DOCK3: variants seen among roughly 807,000 people sequenced by gnomAD.
The protein encoded by DOCK3 is dedicator of cytokinesis protein 3.
DOCK3 carries 60 observed loss-of-function variants against 265.6 expected under a neutral mutation model. That is an observed-to-expected ratio of 0.23 (90% CI 0.18 to 0.28). The LOEUF (loss-of-function observed/expected upper bound fraction) is 0.28. Among genes scored for constraint, DOCK3 ranks in the 10% least tolerant of loss-of-function variants. The probability of loss-of-function intolerance (pLI) is 1.00; values close to 1 mark genes in which losing one functional copy is unlikely to be tolerated. For synonymous variants in DOCK3, 881 were observed against 938.0 expected, an observed-to-expected ratio of 0.94 and a Z score of 1.11; for missense variants, 1,981 against 2,594.3, an observed-to-expected ratio of 0.76 and a Z score of 5.14.
At chr3:51,112,678 C>T (rs561150819) in intron 9 of DOCK3, among the ~76,000 whole-genome samples, 59 of 152,174 alleles carry the variant, frequency 3.9e-4, no homozygotes, top group Non-Finnish European at 5.0e-4. Context: ...GTGGGAGGGG[C>T]GACTGTTGAG....
At chr3:51,282,374 G>A (rs1240053727) in intron 27 of DOCK3, among the ~76,000 whole-genome samples, 1 of 152,180 alleles carries the variant, frequency 6.6e-6, no homozygotes, top group Admixed American at 6.5e-5. Flanking sequence ...CAGGTGCAGT[G>A]GCTGTCACCT....
intron 1 of DOCK3, among the ~76,000 whole-genome samples, chr3:50,752,326 T>C (rs567519233): frequency 1.3e-5 from 2 of 152,110 alleles, no homozygotes; most frequent in South Asian, 4.1e-4. Context: ...CTGGCCAACA[T>C]GGTGAAACCC....
At chr3:50,771,338 T>G (rs1444409350) in intron 1 of DOCK3, among the ~76,000 whole-genome samples, 3 of 152,124 alleles carry the variant, frequency 2.0e-5, no homozygotes, top group Non-Finnish European at 2.9e-5. Flanking sequence ...AGCAGGCATA[T>G]GAAAAGGTGC....
intron 6 of DOCK3, among the ~76,000 whole-genome samples, chr3:51,071,512 C>CT (rs1439574166): frequency 6.6e-6 from 1 of 152,156 alleles, no homozygotes; most frequent in African/African-American, 2.4e-5. Flanking sequence ...CCCTATAACT[C>CT]TAAGCTAACA....
At chr3:51,112,562 A>G (rs2083565928) in intron 9 of DOCK3, among the ~76,000 whole-genome samples, 1 of 152,224 alleles carries the variant, frequency 6.6e-6, no homozygotes, top group African/African-American at 2.4e-5. Flanking sequence ...ACTTTGGTAC[A>G]TTAAGAGAGA....
At chr3:50,744,636 C>T (rs182599110) in intron 1 of DOCK3, among the ~76,000 whole-genome samples, 168 of 152,140 alleles carry the variant, frequency 1.1e-3, no homozygotes, top group African/African-American at 4.0e-3. Flanking sequence ...GGTTTTGGCA[C>T]GTCACCCAGG....
intron 5 of DOCK3, among the ~76,000 whole-genome samples, chr3:50,977,979 T>C (rs1293126349): frequency 6.6e-6 from 1 of 152,204 alleles, no homozygotes; most frequent in Non-Finnish European, 1.5e-5. Flanking sequence ...TCTCGAGCCT[T>C]GGTTTTCAGC....
rs1396736733 is a variant in DOCK3, at chr3:51,228,038, G to A, written c.1597G>A (p.Asp533Asn). 2 of 1,614,062 alleles carry A rather than the reference G, an allele frequency of 1.2e-6. No individual in the cohort carries two copies. Among genetic ancestry groups the A allele is most frequent in the South Asian group, 2.2e-5 (2 of 91,088 alleles). The change falls in exon 17 of 53, where the codon GAT becomes AAT. Residue 533 changes from aspartate (D) to asparagine (N), a missense_variant. Asp to Asn is a conservative substitution (Grantham distance 23, BLOSUM62 1). Transcript: ENST00000266037. ...CTTTGCATTCTCAACCCTGATGCGTGATGATGGCACCACCCTCTCAGATGA... is the reference window on the plus strand; with the variant it reads ...CTTTGCATTCTCAACCCTGATGCGTAATGATGGCACCACCCTCTCAGATGA... ...FGFAFSTLMR[D>N]DGTTLSDDIH... is the part of the protein sequence containing the mutation.
At chr3:51,038,616 A>G (rs2109007248) in intron 5 of DOCK3, among the ~76,000 whole-genome samples, 1 of 152,334 alleles carries the variant, frequency 6.6e-6, no homozygotes, top group South Asian at 2.1e-4. Flanking sequence ...CAGTGCTAAC[A>G]TCTGGCTTTA....
intron 1 of DOCK3, among the ~76,000 whole-genome samples, chr3:50,689,253 G>A (rs1198670791): frequency 6.6e-6 from 1 of 152,190 alleles, no homozygotes; most frequent in East Asian, 1.9e-4. Flanking sequence ...GATCATCAGT[G>A]TATTAGTCTG....
chr3:50,877,613 G>T (rs2047771990), intron 3 of DOCK3: 1 of 503,362 alleles, frequency 2.0e-6, no homozygotes, highest in Non-Finnish European at 4.0e-6. Flanking sequence ...GTGGCTTTCT[G>T]TAGTGCACCA....
At chr3:51,240,784 G>T (rs2078578520) in intron 21 of DOCK3, among the ~76,000 whole-genome samples, 1 of 152,282 alleles carries the variant, frequency 6.6e-6, no homozygotes, top group East Asian at 1.9e-4. Flanking sequence ...TTGCTGGGTA[G>T]ATTTTTCTCC....
intron 2 of DOCK3, among the ~76,000 whole-genome samples, chr3:50,839,969 A>G (rs1409979379): frequency 6.6e-6 from 1 of 151,158 alleles, no homozygotes; most frequent in Non-Finnish European, 1.5e-5. Context: ...GGGTTTCACC[A>G]TGTTGGTCAG....
intron 4 of DOCK3, among the ~76,000 whole-genome samples, chr3:50,932,330 G>A (rs1236658861): frequency 6.6e-6 from 1 of 151,802 alleles, no homozygotes; most frequent in Non-Finnish European, 1.5e-5. Context: ...TTTGTCAGCT[G>A]TCTTCTTGTG....
intron 27 of DOCK3, among the ~76,000 whole-genome samples, chr3:51,288,194 C>T (rs1353319873): frequency 6.6e-6 from 1 of 152,090 alleles, no homozygotes; most frequent in Non-Finnish European, 1.5e-5. Flanking sequence ...GAGTTCGAGA[C>T]CAGCCTGGTC....
At chr3:50,766,755 C>G (rs1204203416) in intron 1 of DOCK3, among the ~76,000 whole-genome samples, 1 of 152,144 alleles carries the variant, frequency 6.6e-6, no homozygotes, top group African/African-American at 2.4e-5. Context: ...TAAAAATGTT[C>G]CTATTTCTCC....
At chr3:51,134,323 G>C (rs1279303692) in intron 9 of DOCK3, among the ~76,000 whole-genome samples, 1 of 152,122 alleles carries the variant, frequency 6.6e-6, no homozygotes, top group Non-Finnish European at 1.5e-5. Flanking sequence ...TGAAATGGTA[G>C]TTCTGTTTTC....
intron 3 of DOCK3, among the ~76,000 whole-genome samples, chr3:50,862,960 A>G (rs2046982241): frequency 1.3e-5 from 2 of 152,278 alleles, no homozygotes; most frequent in African/African-American, 4.8e-5. Context: ...TTCTGCAACA[A>G]TCGATGGGAG....
intron 39 of DOCK3, 138 bp from the exon 40 acceptor site, chr3:51,350,150 C>A: frequency 1.4e-6 from 1 of 706,772 alleles, no homozygotes; most frequent in Non-Finnish European, 2.4e-6. Context: ...CTGGTCATGT[C>A]TAGAGGCTCA....
Sources: allele counts gnomAD v4.1 joint callset (sites outside exome capture counted in the v4.1 genomes callset), GRCh38; gene constraint gnomAD v4.1.1; transcripts MANE v1.5; gene names NCBI Gene and HGNC (gene_info 2026-07-23, HGNC 2026-07-21).